Variants in YEATS2 observed in about 807,000 individuals in gnomAD.
YEATS2 encodes the protein YEATS domain containing 2, also known as YEATS domain-containing protein 2.
YEATS2 carries 77 observed loss-of-function variants against 163.2 expected under a neutral mutation model. That is an observed-to-expected ratio of 0.47 (90% confidence interval 0.39 to 0.57). The LOEUF (loss-of-function observed/expected upper bound fraction) is 0.57. YEATS2 is among the 20% of genes least tolerant of loss of function. The pLI is 0.00. For synonymous variants in YEATS2, 631 were observed against 645.1 expected, an observed-to-expected ratio of 0.98 and a Z score of 0.33; for missense variants, 1,549 against 1,729.8, an observed-to-expected ratio of 0.90 and a Z score of 1.85.
At chr3:183,751,126 G>GT (rs1264865663) in intron 9 of YEATS2, among the ~76,000 whole-genome samples, 5 of 152,252 alleles carry the variant, frequency 3.3e-5, no homozygotes, top group Admixed American at 1.3e-4. Context: ...TTGGTATATA[G>GT]TGTAAGGTAA....
intron 24 of YEATS2, 37 bp downstream of exon 24, chr3:183,800,605 C>A (rs1450279279): frequency 6.4e-7 from 1 of 1,571,120 alleles, no homozygotes; most frequent in Admixed American, 1.7e-5. Context: ...AATTCCGCTT[C>A]GGGTGTTTGT....
chr3:183,782,580 T>C (rs895024296), intron 19 of YEATS2, among the ~76,000 whole-genome samples: 2 of 151,772 alleles, frequency 1.3e-5, no homozygotes, highest in African/African-American at 4.8e-5. Flanking sequence ...CCTGCCACCA[T>C]GCCCAGCTAA....
chr3:183,807,977 A>C, intron 28 of YEATS2, 53 bp from the exon 29 acceptor site: 1 of 1,434,958 alleles, frequency 7.0e-7, no homozygotes, highest in Non-Finnish European at 9.6e-7. Context: ...GTTTGGAGAG[A>C]GGCTGTTTCT....
intron 1 of YEATS2, among the ~76,000 whole-genome samples, 182 bp downstream of exon 1, chr3:183,698,175 C>CG (rs1187356944): frequency 9.9e-5 from 15 of 152,172 alleles, no homozygotes; most frequent in Non-Finnish European, 2.2e-4. Context: ...AGGTGCGGGC[C>CG]GGGGAGCCGC....
At chr3:183,698,399 CG>C (rs1057344726) in intron 1 of YEATS2, among the ~76,000 whole-genome samples, 3 of 152,230 alleles carry the variant, frequency 2.0e-5, no homozygotes. Context: ...CCATCCCCAC[CG>C]GGCCTCCCTG....
rs747643488 is a variant in YEATS2 at position 183,715,186 on chromosome 3, C to G, written c.24C>G (p.Ile8Met). The change falls in exon 2 of 31, where the codon ATC becomes ATG. Residue 8 changes from isoleucine (I) to methionine (M), a missense_variant. Physicochemically the swap from Ile to Met is conservative, Grantham distance 10. Coordinates refer to ENST00000305135, the MANE Select transcript of YEATS2 (RefSeq NM_018023.5). MSGIKRT[I>M]KETDPDYEDV... Reference sequence around the variant, plus strand: ...TCATGTCTGGAATCAAGCGAACCATCAAAGAAACCGACCCTGATTACGAGG... The same window carrying G: ...TCATGTCTGGAATCAAGCGAACCATGAAAGAAACCGACCCTGATTACGAGG... 6.8e-6 allele frequency: 11 copies of G among 1,613,386 alleles called. No homozygotes were observed. Among genetic ancestry groups the G allele is most frequent in the Non-Finnish European group, 8.5e-6 (10 of 1,179,720 alleles).
chr3:183,705,559 G>A (rs1441122262), intron 1 of YEATS2, among the ~76,000 whole-genome samples: 1 of 151,292 alleles, frequency 6.6e-6, no homozygotes, highest in Non-Finnish European at 1.5e-5. Context: ...TATTAATATT[G>A]CCTTGCTTAC....
At chr3:183,777,313 A>G (rs769022817) in intron 18 of YEATS2, among the ~76,000 whole-genome samples, 2 of 152,244 alleles carry the variant, frequency 1.3e-5, no homozygotes, top group African/African-American at 4.8e-5. Context: ...TGAGTTTTCA[A>G]CAGGCTGCTC....
intron 19 of YEATS2, among the ~76,000 whole-genome samples, chr3:183,781,547 A>C (rs1723563171): frequency 6.6e-6 from 1 of 152,162 alleles, no homozygotes; most frequent in Admixed American, 6.5e-5. Flanking sequence ...AGCCCACTCA[A>C]GTTGACATAA....
chr3:183,762,602 G>A (rs1412685577), intron 15 of YEATS2, among the ~76,000 whole-genome samples: 2 of 152,100 alleles, frequency 1.3e-5, no homozygotes, highest in Non-Finnish European at 2.9e-5. Flanking sequence ...GGGATCCGCT[G>A]TTGACTTGTT....
At chr3:183,756,216 A>C (rs1478636084) in intron 11 of YEATS2, among the ~76,000 whole-genome samples, 1 of 152,246 alleles carries the variant, frequency 6.6e-6, no homozygotes, top group Non-Finnish European at 1.5e-5. Context: ...GGTGCATACC[A>C]GGAGATCTTG....
At chr3:183,707,676 C>CTTTTT (rs1577029221) in intron 1 of YEATS2, among the ~76,000 whole-genome samples, 1 of 141,148 alleles carries the variant, frequency 7.1e-6, no homozygotes, top group African/African-American at 2.9e-5. Flanking sequence ...CCTTCCCCAC[C>CTTTTT]TATTTTTTTT....
At chr3:183,754,957 T>C (rs1244469220) in intron 11 of YEATS2, among the ~76,000 whole-genome samples, 2 of 152,158 alleles carry the variant, frequency 1.3e-5, no homozygotes, top group African/African-American at 4.8e-5. Context: ...ACAAAACATG[T>C]TTGTTAAAAG....
intron 4 of YEATS2, 130 bp from the exon 5 acceptor site, chr3:183,721,761 T>C: frequency 2.5e-6 from 3 of 1,215,316 alleles, no homozygotes; most frequent in Non-Finnish European, 3.5e-6. Flanking sequence ...TATCATTTTA[T>C]GGATGTGGGG....
intron 4 of YEATS2, among the ~76,000 whole-genome samples, chr3:183,721,170 T>C (rs1408136079): frequency 2.0e-5 from 3 of 152,258 alleles, no homozygotes; most frequent in African/African-American, 7.2e-5. Context: ...TAATTATTTT[T>C]AGTTTTCAGT....
chr3:183,733,181 T>G (rs1717986591), intron 7 of YEATS2, among the ~76,000 whole-genome samples: 1 of 152,260 alleles, frequency 6.6e-6, no homozygotes, highest in South Asian at 2.1e-4. Flanking sequence ...AATGGGCCAT[T>G]CCATTTGGAG....
rs534295824 is a variant in YEATS2 at position 183,801,491 on chromosome 3, T to G, written c.3465T>G (p.Thr1155=). The change falls in exon 25 of 31, where the codon ACT becomes ACG. Residue 1155 remains threonine, a synonymous_variant. Transcript: ENST00000305135. ...DHLETIQQLL[T]AVVKKIPLIT... is the part of the protein sequence containing the mutation. Reference sequence around the variant, plus strand: ...TAGAAACTATCCAGCAACTCCTAACTGCAGTAGTAAAGAAGATTCCATTAA... The same window carrying G: ...TAGAAACTATCCAGCAACTCCTAACGGCAGTAGTAAAGAAGATTCCATTAA... The G allele has an allele frequency of 6.2e-7, 1 of 1,611,398 alleles. No homozygotes were observed. Among genetic ancestry groups the G allele is most frequent in the African/African-American group, 1.3e-5 (1 of 75,014 alleles).
At chr3:183,799,028 G>A in intron 23 of YEATS2, 39 bp downstream of exon 23, 1 of 1,521,320 alleles carries the variant, frequency 6.6e-7, no homozygotes. Context: ...CAGAAGTTTT[G>A]TTACTTTTTT....
Position 183,808,011 on chromosome 3 carries a change from C to G in YEATS2, c.4012-19C>G. On this transcript the variant is annotated intron_variant, in intron 28 of 30. Transcript: ENST00000305135. ...CTAAAGCAGCGATACGAACAAACGGCTTTCTTCTGCTTTTCCAGATTGGGA... is the reference window on the plus strand; with the variant it reads ...CTAAAGCAGCGATACGAACAAACGGGTTTCTTCTGCTTTTCCAGATTGGGA... 3 of 1,553,752 alleles carry G rather than the reference C, an allele frequency of 1.9e-6. No homozygotes were observed. Among genetic ancestry groups the G allele is most frequent in the Non-Finnish European group, 2.6e-6 (3 of 1,147,474 alleles).
Sources: allele counts gnomAD v4.1 joint callset (sites outside exome capture counted in the v4.1 genomes callset), GRCh38; gene constraint gnomAD v4.1.1; transcripts MANE v1.5; gene names NCBI Gene and HGNC (gene_info 2026-07-23, HGNC 2026-07-21).